The following LCK variants were observed in gnomAD, a reference collection of about 807,000 sequenced individuals.
The protein encoded by LCK is tyrosine-protein kinase Lck.
Under a neutral mutation model 64.6 loss-of-function variants are expected in LCK, and 14 were observed. The observed-to-expected ratio is 0.22, with a 90% CI of 0.14 to 0.34. The LOEUF is 0.34. Among genes scored for constraint, LCK ranks in the 10% least tolerant of loss-of-function variants. The pLI is 1.00. For missense variants in LCK, 434 were observed against 668.1 expected (o/e 0.65, Z 3.86); for synonymous variants, 277 against 263.6 (o/e 1.05, Z -0.49).
chr1:32,273,548 A>G (rs1242370740), intron 1 of LCK, among the ~76,000 whole-genome samples: 1 of 152,024 alleles, frequency 6.6e-6, no homozygotes, highest in African/African-American at 2.4e-5. Context: ...GCCCTAGAGA[A>G]GGAGGAGCTG....
chr1:32,254,984 A>T (rs1216625795), intron 1 of LCK, among the ~76,000 whole-genome samples: 1 of 152,102 alleles, frequency 6.6e-6, no homozygotes, highest in Non-Finnish European at 1.5e-5. Context: ...CCCCATCTCT[A>T]TTTAATTATT....
At chr1:32,260,079 C>T (rs1639729669) in intron 1 of LCK, among the ~76,000 whole-genome samples, 1 of 151,612 alleles carries the variant, frequency 6.6e-6, no homozygotes, top group East Asian at 1.9e-4. Context: ...GAGTCTTGCT[C>T]TGTCGCCACG....
Position 32,251,846 on chromosome 1 carries a change from A to G in LCK, c.-6+475A>G, listed in dbSNP as rs1639512268. 1.3e-5 allele frequency among the ~76,000 whole-genome samples: 2 copies of G among 151,534 alleles called. No individual in the cohort carries two copies. The highest frequency in any genetic ancestry group is 4.9e-5 in the African/African-American group (2 of 41,208). On this transcript the variant is annotated intron_variant, in intron 1 of 12. Transcript: ENST00000336890. The surrounding 1 kb of genome is among the most constrained non-coding windows in gnomAD (Gnocchi z 4.0). ...CAGGCTGGACTCAGAGGACCCAGGA[A>G]TCCTTCTGGTTTCTGGGGCAGACCC...
intron 2 of LCK, 49 bp from the exon 3 acceptor site, chr1:32,274,688 T>C: frequency 6.9e-7 from 1 of 1,450,798 alleles, no homozygotes; most frequent in Non-Finnish European, 9.4e-7. Context: ...GGCCAGGGTC[T>C]GACCCAATCT....
chr1:32,285,436 T>C (rs1306525033), intron 12 of LCK, 78 bp from the exon 13 acceptor site: 2 of 1,293,488 alleles, frequency 1.5e-6, no homozygotes, highest in Admixed American at 1.7e-5. Flanking sequence ...ACTGTGCCAG[T>C]TAAATATTCC....
intron 1 of LCK, among the ~76,000 whole-genome samples, chr1:32,256,723 A>T (rs532233705): frequency 6.6e-6 from 1 of 152,286 alleles, no homozygotes; most frequent in East Asian, 1.9e-4. Flanking sequence ...CAGCTCCTTT[A>T]ATCCACAAGC....
At chr1:32,272,619 G>GAA (rs1640112974) in intron 1 of LCK, among the ~76,000 whole-genome samples, 2 of 145,234 alleles carry the variant, frequency 1.4e-5, no homozygotes, top group African/African-American at 2.8e-5. Flanking sequence ...GAGAGAGAGA[G>GAA]AGAAAGAGAG....
At position 32,279,718 on chromosome 1, in the gene LCK, A is replaced by G. The variant is rs763427890; in HGVS notation, c.1012A>G (p.Ile338Val). 3.1e-6 allele frequency: 5 copies of G among 1,613,342 alleles called. No homozygotes were observed. The highest frequency in any genetic ancestry group is 3.4e-6 in the Non-Finnish European group (4 of 1,179,318). ...GACCCCTTCAGGCATCAAGTTGACC[A>G]TCAACAAACTCCTGGACATGGCAGC... The part of the protein sequence containing the change: ...LKTPSGIKLT[I>V]NKLLDMAAQI... Residue 338 changes from isoleucine to valine, a missense_variant, in exon 10 of 13, where the codon ATC becomes GTC. By Grantham distance (29) the Ile-to-Val change is conservative. Around this residue, in one of 2 missense-constraint regions of LCK, gnomAD observed 201 missense variants for 376.9 expected, o/e 0.53. Coordinates refer to ENST00000336890, the MANE Select transcript of LCK (RefSeq NM_005356.5).
intron 1 of LCK, among the ~76,000 whole-genome samples, chr1:32,265,148 A>C (rs1179764654): frequency 6.6e-6 from 1 of 151,554 alleles, no homozygotes; most frequent in East Asian, 1.9e-4. Flanking sequence ...GCGCCACTGC[A>C]CTCCAGCCTG....
intron 12 of LCK, among the ~76,000 whole-genome samples, chr1:32,283,983 C>A (rs567790635): frequency 6.6e-6 from 1 of 151,568 alleles, no homozygotes; most frequent in East Asian, 2.0e-4. Flanking sequence ...TGGGTTTAAG[C>A]GATTCTCCTG....
chr1:32,269,261 ACC>A (rs1569935260), intron 1 of LCK: 1 of 151,632 alleles, frequency 6.6e-6, no homozygotes, highest in Admixed American at 6.6e-5. Flanking sequence ...ACATGGTGAA[ACC>A]CCCATCTCTA....
At chr1:32,280,930 C>T (rs1473701412) in intron 12 of LCK, among the ~76,000 whole-genome samples, 3 of 152,186 alleles carry the variant, frequency 2.0e-5, no homozygotes, top group African/African-American at 7.2e-5. Flanking sequence ...CTCTAAGCCT[C>T]AGTTTCCTGA....
intron 9 of LCK, among the ~76,000 whole-genome samples, chr1:32,277,489 T>G (rs1640318393): frequency 6.6e-6 from 1 of 152,100 alleles, no homozygotes; most frequent in South Asian, 2.1e-4. Context: ...AGCCCTCTTT[T>G]TCAGTTCTGA....
At chr1:32,283,288 C>CAAA (rs888361880) in intron 12 of LCK, among the ~76,000 whole-genome samples, 23 of 53,704 alleles carry the variant, frequency 4.3e-4, no homozygotes, top group African/African-American at 1.3e-3. Flanking sequence ...GACTCTGTCT[C>CAAA]AAAAAAAAAA....
chr1:32,260,383 T>C (rs1423111258), intron 1 of LCK, among the ~76,000 whole-genome samples: 1 of 152,134 alleles, frequency 6.6e-6, no homozygotes, highest in Non-Finnish European at 1.5e-5. Flanking sequence ...TGAGCTCAAG[T>C]GATTTTCCCA....
At chr1:32,267,966 A>T (rs1639968402) in intron 1 of LCK, among the ~76,000 whole-genome samples, 1 of 152,002 alleles carries the variant, frequency 6.6e-6, no homozygotes, top group Non-Finnish European at 1.5e-5. Context: ...AGGCCGAGGC[A>T]GGAGGATCAC....
rs1369876947 is a variant in LCK at position 32,275,071 on chromosome 1, G to T, written c.266G>T (p.Arg89Leu). The stretch of plus-strand genomic sequence containing the variant: ...GGCTTTGAGAAGGGGGAACAGCTCC[G>T]CATCCTGGAGCAGTGAGTCCCTCTC... ...DLGFEKGEQL[R>L]ILEQSGEWWK... is the part of the protein sequence containing the mutation. The change falls in exon 4 of 13, where the codon CGC becomes CTC. Residue 89 changes from arginine (R) to leucine (L), a missense_variant. This residue lies in a region of LCK where 233 missense variants were observed against 291.2 expected (regional missense o/e 0.80). Coordinates refer to ENST00000336890, the MANE Select transcript of LCK (RefSeq NM_005356.5). The surrounding 1 kb of genome is among the most constrained non-coding windows in gnomAD (Gnocchi z 6.9). 1.2e-6 allele frequency: 2 copies of T among 1,610,682 alleles called. No homozygotes were observed.
In LCK at chr1:32,276,940, C is replaced by T. The variant is rs529200188; in HGVS notation, c.964+154C>T. 59 of 766,686 alleles carry T rather than the reference C, an allele frequency of 7.7e-5. No homozygotes were observed. Among genetic ancestry groups the T allele is most frequent in the African/African-American group, 6.1e-4 (34 of 56,010 alleles). 47.5% of individuals were successfully genotyped at this position (766,686 alleles called of 1,614,324 possible). ...CTGGAGACTCACCTCCAGCCGGGCG[C>T]GGTGGCTCAGGCCTGTAATCCCAGC... On this transcript the variant is annotated intron_variant, in intron 9 of 12. Transcript: ENST00000336890. This position sits in a 1 kb window ranked among gnomAD's most constrained non-coding sequence, Gnocchi z 4.6.
rs186386715 is a variant in LCK, at chr1:32,259,536, C to T, written c.-6+8165C>T. ...TCGGGAGGCTGAGGTAGGATAATTG[C>T]TTGAACCTGGGAGGCAGAGGTTGCA... On this transcript the variant is annotated intron_variant, in intron 1 of 12. Coordinates refer to ENST00000336890, the MANE Select transcript of LCK (RefSeq NM_005356.5). Among the ~76,000 whole-genome samples the T allele has an allele frequency of 9.0e-3, 1,366 of 151,796 alleles. 17 individuals are homozygous for T. Among genetic ancestry groups the T allele is most frequent in the Non-Finnish European group, 0.015 (1,022 of 67,918 alleles).
Sources: allele counts gnomAD v4.1 joint callset (sites outside exome capture counted in the v4.1 genomes callset), GRCh38; gene constraint gnomAD v4.1.1; regional missense constraint gnomAD v4.1.1; non-coding constraint Gnocchi (gnomAD v3.1); transcripts MANE v1.5; gene names NCBI Gene and HGNC (gene_info 2026-07-23, HGNC 2026-07-21).